COL22A1: variants seen among roughly 807,000 people sequenced by gnomAD.
COL22A1 encodes collagen alpha-1(XXII) chain.
A neutral mutation model predicts 248.9 loss-of-function variants in COL22A1; 221 were observed. The ratio of observed to expected loss-of-function variants is 0.89; its 90% confidence interval spans 0.80 to 0.99. COL22A1 has a LOEUF of 0.99. Among genes scored for constraint, COL22A1 ranks in the 50% least tolerant of loss-of-function variants. The pLI, the probability that COL22A1 is intolerant of heterozygous loss-of-function variation, is 0.00. For missense variants in COL22A1, 2,240 were observed against 2,179.0 expected (o/e 1.03, Z -0.56); for synonymous variants, 891 against 793.4 (o/e 1.12, Z -2.07).
At chr8:138,852,117 TG>T (rs1177075444) in intron 3 of COL22A1, among the ~76,000 whole-genome samples, 1 of 152,008 alleles carries the variant, frequency 6.6e-6, no homozygotes, top group Non-Finnish European at 1.5e-5. Flanking sequence ...GACACATGGC[TG>T]GAACAGTTCA....
In COL22A1 at chr8:138,606,272, G is replaced by A. The variant is rs11997387; in HGVS notation, c.4104+109C>T. 7.5e-3 allele frequency: 7,614 copies of A among 1,010,688 alleles called. 343 individuals are homozygous for A. The African/African-American group carries it at 0.1, about 14-fold the overall frequency. The allele number at this position is 1,010,688 out of a possible 1,614,324, so 62.6% of individuals were successfully genotyped here. A position where few individuals can be genotyped will look rare whatever the true frequency, so the allele number is the denominator to read the frequency against. On this transcript the variant is annotated intron_variant, in intron 58 of 64. Coordinates refer to ENST00000303045, the MANE Select transcript of COL22A1 (RefSeq NM_152888.3). ...CTTTGACCCCACACAGGTCATCATG[G>A]CCTGAGCAGACAGAACTGAGGACAC...
At chr8:138,833,462 G>A (rs1820203699) in intron 4 of COL22A1, among the ~76,000 whole-genome samples, 1 of 152,224 alleles carries the variant, frequency 6.6e-6, no homozygotes, top group Non-Finnish European at 1.5e-5. Context: ...GGGCCGCAGG[G>A]TCTTGGTGTT....
At chr8:138,877,335 C>T (rs1186714165) in intron 3 of COL22A1, among the ~76,000 whole-genome samples, 1 of 152,196 alleles carries the variant, frequency 6.6e-6, no homozygotes, top group East Asian at 1.9e-4. Flanking sequence ...ATACCCAATG[C>T]TTCAGGCCAG....
At chr8:138,616,626 T>G (rs1282470494) in intron 54 of COL22A1, among the ~76,000 whole-genome samples, 1 of 152,132 alleles carries the variant, frequency 6.6e-6, no homozygotes, top group African/African-American at 2.4e-5. Context: ...AACAACCACC[T>G]CACAAGGCTC....
intron 16 of COL22A1, among the ~76,000 whole-genome samples, chr8:138,764,312 G>A (rs982330073): frequency 1.3e-5 from 2 of 152,184 alleles, no homozygotes; most frequent in Admixed American, 6.5e-5. Flanking sequence ...ATCTCTCCCC[G>A]GGCTTGCTGG....
chr8:138,734,491 A>G (rs1170602022), intron 23 of COL22A1, among the ~76,000 whole-genome samples: 3 of 152,210 alleles, frequency 2.0e-5, no homozygotes, highest in African/African-American at 7.2e-5. Flanking sequence ...ATATGTCAGG[A>G]AGAGTGAATT....
intron 18 of COL22A1, among the ~76,000 whole-genome samples, chr8:138,760,039 T>C (rs1243004852): frequency 6.6e-6 from 1 of 152,112 alleles, no homozygotes; most frequent in Non-Finnish European, 1.5e-5. Context: ...GTATGTTTAT[T>C]CCTAAAAGTA....
chr8:138,738,832 A>G (rs1437222725), intron 22 of COL22A1, among the ~76,000 whole-genome samples: 1 of 152,160 alleles, frequency 6.6e-6, no homozygotes, highest in East Asian at 1.9e-4. Flanking sequence ...CTCATTCAGC[A>G]ACTCTGGCCC....
chr8:138,740,371 C>T (rs1286010926), intron 22 of COL22A1, among the ~76,000 whole-genome samples: 1 of 152,144 alleles, frequency 6.6e-6, no homozygotes, highest in Non-Finnish European at 1.5e-5. Context: ...CAGAATGACT[C>T]ATTAAGATGC....
intron 46 of COL22A1, among the ~76,000 whole-genome samples, chr8:138,647,964 T>C (rs1822358681): frequency 6.6e-6 from 1 of 152,214 alleles, no homozygotes; most frequent in African/African-American, 2.4e-5. Flanking sequence ...TAAAGACCCA[T>C]CTATCTTAAT....
At chr8:138,728,244 G>A (rs1050053897) in intron 23 of COL22A1, among the ~76,000 whole-genome samples, 1 of 151,896 alleles carries the variant, frequency 6.6e-6, no homozygotes. Flanking sequence ...TGCACAGGCC[G>A]ATCTTGAACT....
At chr8:138,782,123 A>C (rs1815067450) in intron 12 of COL22A1, among the ~76,000 whole-genome samples, 1 of 152,246 alleles carries the variant, frequency 6.6e-6, no homozygotes, top group African/African-American at 2.4e-5. Context: ...GTCTGACATA[A>C]GTCAGTGTGA....
intron 60 of COL22A1, among the ~76,000 whole-genome samples, chr8:138,599,962 A>G (rs533071048): frequency 1.3e-5 from 2 of 152,270 alleles, no homozygotes; most frequent in South Asian, 4.1e-4. Context: ...TTTGCTCTCT[A>G]GAGAGACAGT....
chr8:138,746,756 A>G (rs1477179293), intron 22 of COL22A1, among the ~76,000 whole-genome samples: 5 of 152,186 alleles, frequency 3.3e-5, no homozygotes, highest in African/African-American at 1.2e-4. Context: ...CTTTCAGAGC[A>G]TGACTTCTGT....
chr8:138,862,631 T>C (rs1310306371), intron 3 of COL22A1, among the ~76,000 whole-genome samples: 1 of 152,210 alleles, frequency 6.6e-6, no homozygotes. Context: ...CTATCTTTCC[T>C]CTTGTTTTTT....
intron 13 of COL22A1, among the ~76,000 whole-genome samples, 176 bp downstream of exon 13, chr8:138,780,751 G>T (rs1019188182): frequency 6.6e-6 from 1 of 152,168 alleles, no homozygotes; most frequent in African/African-American, 2.4e-5. Context: ...GCTGCTGCTG[G>T]TCTTGTCACA....
chr8:138,762,259 C>A (rs1244270999), intron 17 of COL22A1, among the ~76,000 whole-genome samples, 154 bp downstream of exon 17: 3 of 152,192 alleles, frequency 2.0e-5, no homozygotes, highest in African/African-American at 7.2e-5. Flanking sequence ...TACAGCCACA[C>A]AGCCGGGGTC....
intron 53 of COL22A1, among the ~76,000 whole-genome samples, chr8:138,617,854 C>T (rs1484511279): frequency 6.6e-6 from 1 of 152,194 alleles, no homozygotes; most frequent in Non-Finnish European, 1.5e-5. Context: ...GAACCTACTT[C>T]TGCAGAGTTG....
At chr8:138,843,958 G>A in intron 4 of COL22A1, 126 bp downstream of exon 4, 2 of 831,412 alleles carry the variant, frequency 2.4e-6, no homozygotes, top group Admixed American at 3.4e-5. Flanking sequence ...ACTTTATCAG[G>A]ACTCTGGTGA....
Sources: allele counts gnomAD v4.1 joint callset (sites outside exome capture counted in the v4.1 genomes callset), GRCh38; gene constraint gnomAD v4.1.1; transcripts MANE v1.5; gene names NCBI Gene and HGNC (gene_info 2026-07-23, HGNC 2026-07-21).